The following KRT17 variants were observed in gnomAD, a reference collection of about 807,000 sequenced individuals.
The protein encoded by KRT17 is keratin 17, also known as keratin, type I cytoskeletal 17.
In KRT17, 29 loss-of-function variants were observed where a neutral mutation model predicts 45.6. That is an observed-to-expected ratio of 0.64 (90% CI 0.47 to 0.87). The LOEUF is 0.87. Among genes scored for constraint, KRT17 ranks in the 40% least tolerant of loss-of-function variants. KRT17 has a pLI of 0.00. For missense variants in KRT17, 536 were observed against 577.8 expected (o/e 0.93, Z 0.74); for synonymous variants, 219 against 234.6 (o/e 0.93, Z 0.61).
chr17:41,621,189 A>C, intron 4 of KRT17, 98 bp from the exon 5 acceptor site: 1 of 1,466,314 alleles, frequency 6.8e-7, no homozygotes. Flanking sequence ...GTGCCTTCTC[A>C]CCAGCTTCCC....
chr17:41,621,584 AC>A lies in KRT17; in HGVS notation c.834+8del. ...CTAAGAGAGCCCTCTGGCCTGCAGC[AC>A]CCCCCACCTTGCTGAAGAACCAATC... On this transcript the variant is annotated splice_region_variant and intron_variant, in intron 4 of 7. Transcript: ENST00000311208. 6.2e-7 allele frequency: 1 copy of A among 1,611,076 alleles called. No homozygotes were observed. Among genetic ancestry groups the A allele is most frequent in the Non-Finnish European group, 8.5e-7 (1 of 1,179,600 alleles).
At chr17:41,623,676 C>G (rs1356490766) in intron 1 of KRT17, among the ~76,000 whole-genome samples, 1 of 151,910 alleles carries the variant, frequency 6.6e-6, no homozygotes, top group Non-Finnish European at 1.5e-5. Context: ...CAGGAGCTCA[C>G]TCAGACACCC....
chr17:41,622,864 A>C, intron 2 of KRT17, 86 bp downstream of exon 2: 3 of 1,225,178 alleles, frequency 2.4e-6, no homozygotes, highest in Non-Finnish European at 3.6e-6. Flanking sequence ...TGCCACAAGC[A>C]ACCAAGGAAT....
At chr17:41,622,312 C>T (rs1908569467) in intron 3 of KRT17, 43 bp downstream of exon 3, 1 of 1,610,982 alleles carries the variant, frequency 6.2e-7, no homozygotes, top group Non-Finnish European at 8.5e-7. Flanking sequence ...GGCTCTGCCA[C>T]CCACTCCTCA....
In KRT17 at chr17:41,619,677, G is replaced by C. The variant is rs777503614; in HGVS notation, c.1216C>G (p.Arg406Gly). The C allele has an allele frequency of 6.2e-7, 1 of 1,612,184 alleles. No homozygotes were observed. The highest frequency in any genetic ancestry group is 1.3e-5 in the African/African-American group (1 of 74,972). Reference sequence around the variant, plus strand: ...TCTTCCACAATGGTACGCACCTGACGGGTGGTCACCGCTGCAGGAGAAGCA... The same window carrying C: ...TCTTCCACAATGGTACGCACCTGACCGGTGGTCACCGCTGCAGGAGAAGCA... ...TQYKKEPVTT[R>G]QVRTIVEEVQ... The change falls in exon 8 of 8, where the codon CGT becomes GGT. Residue 406 changes from arginine (R) to glycine (G), a missense_variant. Coordinates refer to ENST00000311208, the MANE Select transcript of KRT17 (RefSeq NM_000422.3).
In KRT17 at chr17:41,623,000, G is replaced by T. The variant is rs760812429; in HGVS notation, c.465C>A (p.Ile155=). The T allele has an allele frequency of 6.2e-7, 1 of 1,613,342 alleles. No individual in the cohort carries two copies. The highest frequency in any genetic ancestry group is 1.3e-5 in the African/African-American group (1 of 74,932). The change falls in exon 2 of 8, where the codon ATC becomes ATA. Residue 155 remains isoleucine (I), a synonymous_variant. Transcript: ENST00000311208. Reference sequence around the variant, plus strand: ...GACGGGCATTGTCAATCTGTAGCAGGATGTTGGCATTGTCCACGGTGGCTG... The same window carrying T: ...GACGGGCATTGTCAATCTGTAGCAGTATGTTGGCATTGTCCACGGTGGCTG... ...ILTATVDNAN[I]LLQIDNARLA...
intron 1 of KRT17, among the ~76,000 whole-genome samples, chr17:41,623,784 C>T (rs1908627832): frequency 6.6e-6 from 1 of 152,176 alleles, no homozygotes; most frequent in Non-Finnish European, 1.5e-5. Flanking sequence ...CCTCCATCTG[C>T]ATCCTCCTGC....
chr17:41,620,399 G>C, intron 7 of KRT17, 137 bp downstream of exon 7: 1 of 1,600,590 alleles, frequency 6.2e-7, no homozygotes, highest in South Asian at 1.1e-5. Context: ...AATCCTCAGT[G>C]CTAATGAGTC....
rs753628412 is a variant in KRT17, at chr17:41,620,535, C to T, written c.1204+1G>A. ...AGGGCCGAAGCCACGCAGATACTTA[C>T]GTTCTTTCTTGTACTGAGTCAGGCT... On this transcript the variant is annotated splice_donor_variant, in intron 7 of 7. Coordinates refer to ENST00000311208, the MANE Select transcript of KRT17 (RefSeq NM_000422.3). LOFTEE classifies it high-confidence loss of function. 20 of 1,611,556 alleles carry T rather than the reference C, an allele frequency of 1.2e-5. No individual in the cohort carries two copies. The highest frequency in any genetic ancestry group is 1.1e-4 in the South Asian group (10 of 90,982).
Position 41,624,575 on chromosome 17 carries a change from T to C in KRT17, c.-66A>G, listed in dbSNP as rs1231100740. On this transcript the variant is annotated 5_prime_UTR_variant, in exon 1 of 8. Coordinates refer to ENST00000311208, the MANE Select transcript of KRT17 (RefSeq NM_000422.3). ...GAGAGGAGAGGGGCCCCAAGTTGTG[T>C]AGGGCTGCCGGGGTTCGCCCGCTTC... 7 of 1,402,320 alleles carry C rather than the reference T, an allele frequency of 5.0e-6. No homozygotes were observed. The Admixed American group carries it at 7.1e-5, about 14-fold the overall frequency. The allele number at this position is 1,402,320 out of a possible 1,614,324, so 86.9% of individuals were successfully genotyped here. A position where few individuals can be genotyped will look rare whatever the true frequency, so the allele number is the denominator to read the frequency against.
chr17:41,620,129 T>G, intron 7 of KRT17: 1 of 985,324 alleles, frequency 1.0e-6, no homozygotes, highest in Non-Finnish European at 1.2e-6. Flanking sequence ...TCCATCAGAT[T>G]GGAATTTGGA....
intron 2 of KRT17, 60 bp from the exon 3 acceptor site, chr17:41,622,571 G>A: frequency 1.3e-6 from 2 of 1,587,514 alleles, no homozygotes; most frequent in Non-Finnish European, 1.7e-6. Context: ...CCAGGTCCTG[G>A]CTGCTCACCT....
At position 41,621,857 on chromosome 17, in the gene KRT17, C is replaced by T. The variant is rs1908555838; in HGVS notation, c.673-103G>A. 5 of 1,242,876 alleles carry T rather than the reference C, an allele frequency of 4.0e-6. No homozygotes were observed. The East Asian group carries it at 9.6e-5, about 24-fold the overall frequency. The allele number at this position is 1,242,876 out of a possible 1,614,324, so 77.0% of individuals were successfully genotyped here. A position where few individuals can be genotyped will look rare whatever the true frequency, so the allele number is the denominator to read the frequency against. On this transcript the variant is annotated intron_variant, in intron 3 of 7. Coordinates refer to ENST00000311208, the MANE Select transcript of KRT17 (RefSeq NM_000422.3). ...GACCCCACTTCCCACAAGGACCCCT[C>T]CTTTGTTCTCCCTCTGCTCTATCTG... is the stretch of plus-strand genomic sequence containing the variant.
In KRT17 at chr17:41,624,493, C is replaced by G; in HGVS notation, c.17G>C (p.Arg6Pro). The change falls in exon 1 of 8, where the codon CGC (arginine) becomes CCC (proline). Residue 6 changes from arginine (R) to proline (P), a missense_variant. Physicochemically the swap from Arg to Pro is moderately radical, Grantham distance 103 (BLOSUM62 -2). Transcript: ENST00000311208. The part of the protein sequence containing the change: MTTSI[R>P]QFTSSSSIKG... ...GATGGAGCTGGAGGAGGTGAACTGG[C>G]GGATGGAGGTGGTCATGGTGGCGGC... 1 of 1,609,982 alleles carries G rather than the reference C, an allele frequency of 6.2e-7. No individual in the cohort carries two copies. The highest frequency in any genetic ancestry group is 1.7e-5 in the Admixed American group (1 of 59,936).
In KRT17 at chr17:41,623,034, T is replaced by A; in HGVS notation, c.433-2A>T. 6.2e-7 allele frequency: 1 copy of A among 1,612,190 alleles called. No individual in the cohort carries two copies. Among genetic ancestry groups the A allele is most frequent in the South Asian group, 1.1e-5 (1 of 91,036 alleles). On this transcript the variant is annotated splice_acceptor_variant, in intron 1 of 7. Coordinates refer to ENST00000311208, the MANE Select transcript of KRT17 (RefSeq NM_000422.3). LOFTEE classifies it high-confidence loss of function. ...ATTGTCCACGGTGGCTGTGAGGATC[T>A]GAGGAGAAGGGAGAGTAGTCAGGTC...
Position 41,622,398 on chromosome 17 carries a change from T to C in KRT17, c.629A>G (p.Asn210Ser). ...CAGGTAGGCCAGCTCCTCCTTGAGG[T>C]TCTCAATCTGCATCTCCAGGTCGGC... Reference protein sequence around the residue: ...ARADLEMQIENLKEELAYLKK... With the variant: ...ARADLEMQIESLKEELAYLKK... The change falls in exon 3 of 8, where the codon AAC (asparagine) becomes AGC (serine). Residue 210 changes from asparagine (N) to serine (S), a missense_variant. Coordinates refer to ENST00000311208, the MANE Select transcript of KRT17 (RefSeq NM_000422.3). 6.2e-7 allele frequency: 1 copy of C among 1,614,012 alleles called. No individual in the cohort carries two copies. Among genetic ancestry groups the C allele is most frequent in the Non-Finnish European group, 8.5e-7 (1 of 1,180,038 alleles).
At chr17:41,622,067 A>C in intron 3 of KRT17, 1 of 593,762 alleles carries the variant, frequency 1.7e-6, no homozygotes. Context: ...ATGGGACAAG[A>C]TTTCCTTACT....
Position 41,621,071 on chromosome 17 carries a change from C to A in KRT17, c.855G>T (p.Glu285Asp), listed in dbSNP as rs1488767038. ...FFSKTEELNR[E>D]VATNSELVQS... The stretch of plus-strand genomic sequence containing the variant: ...GCACCAGCTCACTGTTGGTGGCCAC[C>A]TCGCGGTTCAGTTCCTCTGTCTGCA... The change falls in exon 5 of 8, where the codon GAG (glutamate) becomes GAT (aspartate). Residue 285 changes from glutamate to aspartate, a missense_variant. Coordinates refer to ENST00000311208, the MANE Select transcript of KRT17 (RefSeq NM_000422.3). 1.2e-6 allele frequency: 2 copies of A among 1,613,900 alleles called. No homozygotes were observed. Among genetic ancestry groups the A allele is most frequent in the East Asian group, 2.2e-5 (1 of 44,894 alleles).
chr17:41,621,771 T>A lies in KRT17; in HGVS notation c.673-17A>T. 1 of 1,612,008 alleles carries A rather than the reference T, an allele frequency of 6.2e-7. No homozygotes were observed. Among genetic ancestry groups the A allele is most frequent in the Middle Eastern group, 2.3e-4 (1 of 4,434 alleles). On this transcript the variant is annotated splice_polypyrimidine_tract_variant and intron_variant, in intron 3 of 7. Coordinates refer to ENST00000311208, the MANE Select transcript of KRT17 (RefSeq NM_000422.3). ...GTTCATCTCCTATGGAAAAAGGGGA[T>A]GTGGATGTGCGCATCTGGACCCATC...
Sources: gnomAD v4.1 joint callset for allele counts (sites outside exome capture counted in the v4.1 genomes callset) on GRCh38, gnomAD v4.1.1 for gene constraint, MANE v1.5 for transcripts, NCBI Gene and HGNC (gene_info 2026-07-23, HGNC 2026-07-21) for gene names.